Variants in ZNF786 observed in about 807,000 individuals in gnomAD.
ZNF786 encodes zinc finger protein 786.
Under a neutral mutation model 63.1 loss-of-function variants are expected in ZNF786, and 56 were observed. The ratio of observed to expected loss-of-function variants is 0.89; its 90% CI spans 0.72 to 1.11. The LOEUF (loss-of-function observed/expected upper bound fraction) is 1.11, where lower values mean the gene tolerates loss of function less well. Among genes scored for constraint, ZNF786 ranks in the 50% least tolerant of loss-of-function variants. The probability of loss-of-function intolerance (pLI) is 0.00; values close to 1 mark genes in which losing one functional copy is unlikely to be tolerated. For synonymous variants in ZNF786, 485 were observed against 406.9 expected, an observed-to-expected ratio of 1.19 and a Z score of -2.31; for missense variants, 1,213 against 1,041.8, an observed-to-expected ratio of 1.16 and a Z score of -2.26.
rs370336920 is a variant in ZNF786 at position 149,071,978 on chromosome 7, C to G, written c.794G>C (p.Arg265Thr). 4.3e-6 allele frequency: 7 copies of G among 1,612,632 alleles called. No homozygotes were observed. In the Admixed American group the frequency reaches 6.7e-5, roughly 15 times the overall value. The part of the protein sequence containing the change: ...LLRHLAAHTG[R>T]GPFRNADGEM... ...ACCGTCAGCGTTCCGGAAGGGGCCC[C>G]TCCCCGTGTGGGCCGCCAGATGGCG... The change falls in exon 4 of 4, where the codon AGG becomes ACG. Residue 265 changes from arginine (R) to threonine (T), a missense_variant. By Grantham distance (71) the Arg-to-Thr change is moderately conservative. Transcript: ENST00000491431.
At chr7:149,079,954 A>C (rs561492040) in intron 2 of ZNF786, among the ~76,000 whole-genome samples, 1 of 149,838 alleles carries the variant, frequency 6.7e-6, no homozygotes, top group Non-Finnish European at 1.5e-5. Flanking sequence ...TGGGTGGATC[A>C]CGAGGTCAGG....
At chr7:149,090,576 C>A in intron 1 of ZNF786, 47 bp downstream of exon 1, 1 of 1,540,510 alleles carries the variant, frequency 6.5e-7, no homozygotes, top group Non-Finnish European at 8.8e-7. Context: ...ACCCGAGGAC[C>A]CACCACGACC....
chr7:149,071,298 G>A lies in ZNF786; in HGVS notation c.1474C>T (p.Leu492=), dbSNP rs537231813. The A allele has an allele frequency of 6.2e-7, 1 of 1,613,282 alleles. No individual in the cohort carries two copies. The highest frequency in any genetic ancestry group is 1.7e-5 in the Admixed American group (1 of 60,018). Residue 492 remains leucine (L), a synonymous_variant, in exon 4 of 4, where the codon CTG becomes TTG. Transcript: ENST00000491431. Reference sequence around the variant, plus strand: ...CGGTGGGCTCTCAGCATGCTCTCCAGGCGGAAGCTCAGCCCACACTCTGGG... The same window carrying A: ...CGGTGGGCTCTCAGCATGCTCTCCAAGCGGAAGCTCAGCCCACACTCTGGG... ...QCPECGLSFR[L]ESMLRAHRLR... is the part of the protein sequence containing the mutation.
rs1489882501 is a variant in ZNF786, at chr7:149,070,941, G to C, written c.1831C>G (p.His611Asp). ...CTCTCTCCCGTGTGCAGGCGCTGAT[G>C]GCTGAGCAGCTGCCCCTTCAGGCGG... is the stretch of plus-strand genomic sequence containing the variant. ...SFRLKGQLLS[H>D]QRLHTGERPF... Residue 611 changes from histidine to aspartate, a missense_variant, in exon 4 of 4, where the codon CAT becomes GAT. His to Asp is a moderately conservative substitution (Grantham distance 81). Coordinates refer to ENST00000491431, the MANE Select transcript of ZNF786 (RefSeq NM_152411.4). The C allele has an allele frequency of 1.2e-6, 2 of 1,613,544 alleles. No homozygotes were observed. The highest frequency in any genetic ancestry group is 1.7e-6 in the Non-Finnish European group (2 of 1,179,980).
At position 149,090,682 on chromosome 7, in the gene ZNF786, T is replaced by G. The variant is rs562344666; in HGVS notation, c.-42A>C. On this transcript the variant is annotated 5_prime_UTR_variant, in exon 1 of 4. Transcript: ENST00000491431. The stretch of plus-strand genomic sequence containing the variant: ...CCCGGCCCTGGCAAACCCGACCGTC[T>G]CCGGCGGCTCCGCAGGAACCTGCCC... The G allele has an allele frequency of 2.0e-5, 32 of 1,564,534 alleles. No individual in the cohort carries two copies. The highest frequency in any genetic ancestry group is 7.2e-5 in the East Asian group (3 of 41,562).
Position 149,090,617 on chromosome 7 carries a change from G to A in ZNF786, c.18+6C>T. 1 of 1,589,642 alleles carries A rather than the reference G, an allele frequency of 6.3e-7. No individual in the cohort carries two copies. The highest frequency in any genetic ancestry group is 2.3e-5 in the East Asian group (1 of 43,228). On this transcript the variant is annotated splice_donor_region_variant and intron_variant, in intron 1 of 3. Transcript: ENST00000491431. ...ACCGGGCGTCCAAACAGGCTAGCCC[G>A]CTTACCCGAGGCGGCTCCGCCATGG...
chr7:149,080,285 C>T (rs1047621246), intron 2 of ZNF786, among the ~76,000 whole-genome samples: 3 of 152,090 alleles, frequency 2.0e-5, no homozygotes, highest in Non-Finnish European at 2.9e-5. Flanking sequence ...CATGAATGTG[C>T]GCTAGGTGTG....
At chr7:149,082,680 A>G (rs547231564) in intron 1 of ZNF786, among the ~76,000 whole-genome samples, 27 of 151,596 alleles carry the variant, frequency 1.8e-4, no homozygotes, top group Middle Eastern at 6.8e-3. Flanking sequence ...TCCCAGATGC[A>G]AGCAATTCTC....
intron 1 of ZNF786, among the ~76,000 whole-genome samples, chr7:149,087,655 T>C (rs935835831): frequency 6.6e-6 from 1 of 152,236 alleles, no homozygotes; most frequent in African/African-American, 2.4e-5. Context: ...CCCTGTGTTA[T>C]GAGCCCTACC....
intron 2 of ZNF786, among the ~76,000 whole-genome samples, chr7:149,077,443 C>G (rs898411797): frequency 1.3e-5 from 2 of 151,900 alleles, no homozygotes; most frequent in Admixed American, 6.6e-5. Flanking sequence ...CTGGCAAACA[C>G]GGTGAAACCC....
rs1276718119 is a variant in ZNF786, at chr7:149,071,291, C to G, written c.1481G>C (p.Ser494Thr). The G allele has an allele frequency of 6.2e-7, 1 of 1,613,140 alleles. No homozygotes were observed. Among genetic ancestry groups the G allele is most frequent in the South Asian group, 1.1e-5 (1 of 91,072 alleles). ...CCGGAGCCGGTGGGCTCTCAGCATG[C>G]TCTCCAGGCGGAAGCTCAGCCCACA... ...PECGLSFRLESMLRAHRLRHG... is the reference protein window; with the variant it reads ...PECGLSFRLETMLRAHRLRHG... Residue 494 changes from serine to threonine, a missense_variant, in exon 4 of 4, where the codon AGC (serine) becomes ACC (threonine). Ser to Thr is a moderately conservative substitution (Grantham distance 58). Transcript: ENST00000491431.
intron 3 of ZNF786, 134 bp downstream of exon 3, chr7:149,074,252 T>A (rs1359835479): frequency 9.5e-7 from 1 of 1,053,638 alleles, no homozygotes; most frequent in African/African-American, 1.6e-5. Flanking sequence ...CTAACCATTA[T>A]GCTTTACTGC....
chr7:149,081,078 C>T (rs577309586), intron 1 of ZNF786: 9 of 457,970 alleles, frequency 2.0e-5, no homozygotes, highest in Admixed American at 2.4e-5. Flanking sequence ...TTGGTAAAGT[C>T]GCACTATATT....
chr7:149,089,070 C>G (rs984563124), intron 1 of ZNF786, among the ~76,000 whole-genome samples: 2 of 149,986 alleles, frequency 1.3e-5, no homozygotes, highest in African/African-American at 4.9e-5. Flanking sequence ...GCCTCAGCCT[C>G]CCGAGCAGCT....
chr7:149,076,026 G>T (rs1194106584), intron 2 of ZNF786, among the ~76,000 whole-genome samples: 1 of 151,880 alleles, frequency 6.6e-6, no homozygotes, highest in Non-Finnish European at 1.5e-5. Context: ...TCCCTCTCCA[G>T]ACATAAGCAC....
chr7:149,069,974 T>C lies in ZNF786; in HGVS notation c.*449A>G, dbSNP rs79554671. ...TAAAATGTCAGAACTTCCTTATAAT[T>C]ACACACATATATTTTTATACAAATG... On this transcript the variant is annotated 3_prime_UTR_variant, in exon 4 of 4. Transcript: ENST00000491431. The C allele has an allele frequency of 6.4e-4, 100 of 156,464 alleles. No individual in the cohort carries two copies. The East Asian group carries it at 0.016, about 25-fold the overall frequency. The allele number at this position is 156,464 out of a possible 1,614,324, so 9.7% of individuals were successfully genotyped here. A position where few individuals can be genotyped will look rare whatever the true frequency, so the allele number is the denominator to read the frequency against.
intron 3 of ZNF786, among the ~76,000 whole-genome samples, chr7:149,073,759 A>ATGTG (rs1720718904): frequency 1.1e-5 from 1 of 93,640 alleles, no homozygotes; most frequent in African/African-American, 4.0e-5. Flanking sequence ...ATATATATAT[A>ATGTG]TATATATATA....
intron 1 of ZNF786, 136 bp from the exon 2 acceptor site, chr7:149,080,853 A>C (rs900500274): frequency 2.5e-5 from 25 of 985,894 alleles, no homozygotes; most frequent in Non-Finnish European, 3.6e-5. Context: ...CTGGAGAACT[A>C]CTCCTTCCTC....
chr7:149,081,410 TG>T lies in ZNF786; in HGVS notation c.19-694del, dbSNP rs544277759. 2.5e-4 allele frequency among the ~76,000 whole-genome samples: 29 copies of T among 117,172 alleles called. 1 individual carries two copies. The South Asian group carries it at 8.1e-3, about 33-fold the overall frequency. 76.9% of individuals were successfully genotyped at this position (117,172 alleles called of 152,430 possible). On this transcript the variant is annotated intron_variant, in intron 1 of 3. Coordinates refer to ENST00000491431, the MANE Select transcript of ZNF786 (RefSeq NM_152411.4). ...GAGATCGCGCCACCGCACTACAGCCTGGGCGACAGAGCAAGACTCGGTCTCA... is the reference window on the plus strand; with the variant it reads ...GAGATCGCGCCACCGCACTACAGCCTGGCGACAGAGCAAGACTCGGTCTCA...
Sources: allele counts gnomAD v4.1 joint callset (sites outside exome capture counted in the v4.1 genomes callset), GRCh38; gene constraint gnomAD v4.1.1; transcripts MANE v1.5; gene names NCBI Gene and HGNC (gene_info 2026-07-23, HGNC 2026-07-21).